The following EIF4G3 variants were observed in gnomAD, a reference collection of about 807,000 sequenced individuals.
The protein encoded by EIF4G3 is eIF-4-gamma 3.
Under a neutral mutation model 186.4 loss-of-function variants are expected in EIF4G3, and 34 were observed. That is an observed-to-expected ratio of 0.18 (90% CI 0.14 to 0.24). The LOEUF (loss-of-function observed/expected upper bound fraction) is 0.24, where lower values mean the gene tolerates loss of function less well. Among genes scored for constraint, EIF4G3 ranks in the 10% least tolerant of loss-of-function variants. The pLI, the probability that EIF4G3 is intolerant of heterozygous loss-of-function variation, is 1.00. For synonymous variants in EIF4G3, 673 were observed against 679.5 expected (o/e 0.99, Z 0.15); for missense variants, 1,536 against 1,948.5 (o/e 0.79, Z 3.99).
chr1:20,907,910 G>A (rs1214546443), intron 14 of EIF4G3, among the ~76,000 whole-genome samples: 1 of 152,120 alleles, frequency 6.6e-6, no homozygotes, highest in African/African-American at 2.4e-5. Context: ...TATATACCCA[G>A]TAATGGGATG....
chr1:21,159,315 C>T (rs2097716712), intron 2 of EIF4G3, among the ~76,000 whole-genome samples: 1 of 151,938 alleles, frequency 6.6e-6, no homozygotes. Context: ...TGGTGTGTGC[C>T]TGTAGTCCCA....
At chr1:21,170,891 G>C (rs574745557) in intron 2 of EIF4G3, among the ~76,000 whole-genome samples, 14 of 151,640 alleles carry the variant, frequency 9.2e-5, no homozygotes, top group Non-Finnish European at 1.9e-4. Flanking sequence ...GGGAGGCTGA[G>C]GCATGAGAAT....
At chr1:21,171,041 T>C (rs1010866802) in intron 2 of EIF4G3, among the ~76,000 whole-genome samples, 2 of 151,586 alleles carry the variant, frequency 1.3e-5, no homozygotes, top group African/African-American at 4.8e-5. Flanking sequence ...GCACTTAAAA[T>C]AGTTTAACTT....
At chr1:20,850,417 A>G (rs1461378322) in intron 28 of EIF4G3, among the ~76,000 whole-genome samples, 3 of 152,236 alleles carry the variant, frequency 2.0e-5, no homozygotes, top group Admixed American at 2.0e-4. Context: ...AAGACACTTC[A>G]ATTTGTCTCT....
At chr1:20,868,240 G>A (rs1461087845) in intron 20 of EIF4G3, among the ~76,000 whole-genome samples, 1 of 151,754 alleles carries the variant, frequency 6.6e-6, no homozygotes, top group Non-Finnish European at 1.5e-5. Flanking sequence ...TAATCTGCTT[G>A]GGCTGCTATA....
chr1:20,825,856 G>A (rs1294213772), intron 32 of EIF4G3, among the ~76,000 whole-genome samples: 2 of 152,200 alleles, frequency 1.3e-5, no homozygotes, highest in African/African-American at 4.8e-5. Flanking sequence ...ACAAGGTTGA[G>A]CCCAAGAGAG....
At chr1:20,909,841 G>A (rs2092909507) in intron 14 of EIF4G3, among the ~76,000 whole-genome samples, 1 of 150,426 alleles carries the variant, frequency 6.6e-6, no homozygotes, top group African/African-American at 2.5e-5. Flanking sequence ...GAGTACAGTG[G>A]CATGAACTTG....
At chr1:20,992,493 C>T (rs1409819484) in intron 7 of EIF4G3, among the ~76,000 whole-genome samples, 5 of 152,150 alleles carry the variant, frequency 3.3e-5, no homozygotes, top group Non-Finnish European at 5.9e-5. Context: ...TGCACAATTT[C>T]AACGCTTGCC....
intron 16 of EIF4G3, among the ~76,000 whole-genome samples, chr1:20,896,751 C>T (rs2088302815): frequency 1.3e-5 from 2 of 152,058 alleles, no homozygotes; most frequent in African/African-American, 4.8e-5. Context: ...ATGGTAAGTG[C>T]CCTATACAGT....
chr1:21,040,120 T>A (rs549957975), intron 4 of EIF4G3, among the ~76,000 whole-genome samples: 1 of 152,098 alleles, frequency 6.6e-6, no homozygotes, highest in Non-Finnish European at 1.5e-5. Flanking sequence ...ACAGCTAGAG[T>A]TGATCATCAC....
intron 14 of EIF4G3, among the ~76,000 whole-genome samples, chr1:20,917,256 G>A (rs1402551541): frequency 1.3e-5 from 2 of 152,206 alleles, no homozygotes; most frequent in African/African-American, 4.8e-5. Flanking sequence ...CATCACTTTG[G>A]GAGGCCAAGG....
Position 21,058,705 on chromosome 1 carries a change from TTCTC to T in EIF4G3, c.-195-7715_-195-7712del, listed in dbSNP as rs201736670. On this transcript the variant is annotated intron_variant, in intron 3 of 36. Transcript: ENST00000602326. ...CCATGCCCAGTAATTTTTCTTCTTC[TTCTC>T]TCTCTCTCTCTTTTTTTTTTTTTTT... Among the ~76,000 whole-genome samples the T allele has an allele frequency of 1.1e-3, 145 of 131,522 alleles. 1 individual carries two copies. Among genetic ancestry groups the T allele is most frequent in the African/African-American group, 3.7e-3 (124 of 33,204 alleles). The allele number at this position is 131,522 out of a possible 152,430, so 86.3% of individuals were successfully genotyped here.
At position 20,819,119 on chromosome 1, in the gene EIF4G3, T is replaced by A. The variant is rs1044734517; in HGVS notation, c.4369-1581A>T. On this transcript the variant is annotated intron_variant, in intron 33 of 36. Coordinates refer to ENST00000602326, the MANE Select transcript of EIF4G3 (RefSeq NM_001391906.1). ...TATTACAATTTTTCTGATTTAGTATTGGTTAACTATACATCCAATCCATGA... is the reference window on the plus strand; with the variant it reads ...TATTACAATTTTTCTGATTTAGTATAGGTTAACTATACATCCAATCCATGA... Among the ~76,000 whole-genome samples, 16 of 152,226 alleles carry A rather than the reference T, an allele frequency of 1.1e-4. 1 individual carries two copies. The highest frequency in any genetic ancestry group is 2.2e-4 in the Non-Finnish European group (15 of 68,020).
At chr1:21,017,105 A>C (rs1293026321) in intron 4 of EIF4G3, among the ~76,000 whole-genome samples, 1 of 152,236 alleles carries the variant, frequency 6.6e-6, no homozygotes, top group Non-Finnish European at 1.5e-5. Context: ...AATGTGGCAC[A>C]TACATACAAA....
chr1:20,956,086 C>T (rs923897495), intron 12 of EIF4G3, among the ~76,000 whole-genome samples: 4 of 152,036 alleles, frequency 2.6e-5, no homozygotes, highest in African/African-American at 7.2e-5. Context: ...ACAATAATTC[C>T]ACTGAATTCT....
intron 33 of EIF4G3, among the ~76,000 whole-genome samples, chr1:20,817,919 G>A (rs920878036): frequency 2.6e-5 from 4 of 151,812 alleles, no homozygotes; most frequent in African/African-American, 4.8e-5. Context: ...CAAGCAATCC[G>A]CCCTCCTTGG....
chr1:20,988,307 G>C (rs924399047), intron 7 of EIF4G3: 5 of 170,384 alleles, frequency 2.9e-5, no homozygotes, highest in Non-Finnish European at 7.3e-5. Flanking sequence ...ATGATTTTCA[G>C]TGTAGATGAA....
intron 2 of EIF4G3, among the ~76,000 whole-genome samples, chr1:21,167,406 C>T (rs1001100988): frequency 2.0e-5 from 3 of 152,294 alleles, no homozygotes; most frequent in African/African-American, 7.2e-5. Context: ...CGATGGCTCA[C>T]GCCTGTAATC....
At chr1:20,856,303 T>C (rs2074879216) in intron 25 of EIF4G3, among the ~76,000 whole-genome samples, 1 of 152,230 alleles carries the variant, frequency 6.6e-6, no homozygotes, top group South Asian at 2.1e-4. Context: ...TTCTTAATAC[T>C]TCTTGTCAGT....
Sources: gnomAD v4.1 joint callset for allele counts (sites outside exome capture counted in the v4.1 genomes callset) on GRCh38, gnomAD v4.1.1 for gene constraint, MANE v1.5 for transcripts, NCBI Gene and HGNC (gene_info 2026-07-23, HGNC 2026-07-21) for gene names.